HEATR5B: variants seen among roughly 807,000 people sequenced by gnomAD.
HEATR5B encodes HEAT repeat-containing protein 5B.
In HEATR5B, 156 loss-of-function variants were observed where a neutral mutation model predicts 224.1. The ratio of observed to expected loss-of-function variants is 0.70; its 90% confidence interval spans 0.61 to 0.80. The LOEUF (loss-of-function observed/expected upper bound fraction) is 0.80. HEATR5B is among the 30% of genes least tolerant of loss of function. The probability of loss-of-function intolerance (pLI) is 0.00; values close to 1 mark genes in which losing one functional copy is unlikely to be tolerated. For synonymous variants in HEATR5B, 1,027 were observed against 893.0 expected (o/e 1.15, Z -2.68); for missense variants, 2,323 against 2,535.5 (o/e 0.92, Z 1.80).
chr2:37,083,258 A>C (rs1437326010), intron 2 of HEATR5B, 31 bp downstream of exon 2: 1 of 1,612,488 alleles, frequency 6.2e-7, no homozygotes, highest in African/African-American at 1.3e-5. Flanking sequence ...CTTCACGTTA[A>C]TGCAACTGGG....
At chr2:37,044,625 A>G (rs746645142) in intron 18 of HEATR5B, among the ~76,000 whole-genome samples, 1 of 152,264 alleles carries the variant, frequency 6.6e-6, no homozygotes, top group Non-Finnish European at 1.5e-5. Context: ...GTAAATACCT[A>G]GAAGTGGAAC....
intron 31 of HEATR5B, 36 bp downstream of exon 31, chr2:37,003,506 G>C: frequency 7.0e-7 from 1 of 1,423,452 alleles, no homozygotes; most frequent in Non-Finnish European, 9.7e-7. Context: ...TATAAAATAA[G>C]ATTTACTTCA....
Position 37,075,585 on chromosome 2 carries a change from C to T in HEATR5B, c.497G>A (p.Gly166Glu). Residue 166 changes from glycine (G) to glutamate (E), a missense_variant, in exon 5 of 36, where the codon GGA becomes GAA. Around this residue, in one of 12 missense-constraint regions of HEATR5B, gnomAD observed 292 missense variants for 332.6 expected, o/e 0.88. Coordinates refer to ENST00000233099, the MANE Select transcript of HEATR5B (RefSeq NM_019024.3). ...ILMSLQKVLS[G>E]LGGAAASSHR... ...GGAGGAAGCTGCTGCACCACCCAGT[C>T]CACTTAGAACTTTCTGTAGACTCAT... 4 of 1,613,590 alleles carry T rather than the reference C, an allele frequency of 2.5e-6. No homozygotes were observed. In the South Asian group the frequency reaches 4.4e-5, roughly 18 times the overall value.
At chr2:36,981,894 T>C in intron 35 of HEATR5B, 100 bp from the exon 36 acceptor site, 1 of 787,802 alleles carries the variant, frequency 1.3e-6, no homozygotes, top group Non-Finnish European at 2.0e-6. Context: ...TAATAAAATA[T>C]AAGTACACAT....
intron 29 of HEATR5B, 120 bp from the exon 30 acceptor site, chr2:37,005,879 C>G (rs531353076): frequency 2.8e-6 from 2 of 705,670 alleles, no homozygotes; most frequent in Non-Finnish European, 4.3e-6. Flanking sequence ...TTATTAATAC[C>G]TTAAAGTAGA....
rs1672837775 is a variant in HEATR5B at position 37,084,303 on chromosome 2, G to T, written c.-57C>A. The T allele has an allele frequency of 2.5e-6, 1 of 397,040 alleles. No individual in the cohort carries two copies. The highest frequency in any genetic ancestry group is 2.1e-5 in the African/African-American group (1 of 48,704). 24.6% of individuals were successfully genotyped at this position (397,040 alleles called of 1,614,324 possible). ...TGGAAGGGAAGATCAGCTGAGCTCC[G>T]GGGGTAGAAGCAGCCACCAAGAGAC... On this transcript the variant is annotated 5_prime_UTR_variant, in exon 1 of 36. Transcript: ENST00000233099.
At chr2:36,995,559 T>C (rs1666643952) in intron 33 of HEATR5B, among the ~76,000 whole-genome samples, 1 of 152,198 alleles carries the variant, frequency 6.6e-6, no homozygotes, top group African/African-American at 2.4e-5. Flanking sequence ...AGTCACATAT[T>C]CACTTAAATG....
Position 37,003,688 on chromosome 2 carries a change from TAATACAAATA to T in HEATR5B, c.4906-12_4906-3del, listed in dbSNP as rs759959403. 5.7e-6 allele frequency: 9 copies of T among 1,581,360 alleles called. No individual in the cohort carries two copies. The highest frequency in any genetic ancestry group is 6.9e-6 in the Non-Finnish European group (8 of 1,163,290). On this transcript the variant is annotated splice_region_variant and splice_polypyrimidine_tract_variant and intron_variant, in intron 30 of 35. Coordinates refer to ENST00000233099, the MANE Select transcript of HEATR5B (RefSeq NM_019024.3). ...ACTCAGCAACTCAACACCTATCAGC[TAATACAAATA>T]AATACAAATACAGTTAAGTAATTTC...
At chr2:37,027,773 G>C in intron 24 of HEATR5B, 150 bp downstream of exon 24, 5 of 792,382 alleles carry the variant, frequency 6.3e-6, no homozygotes, top group Non-Finnish European at 8.1e-6. Flanking sequence ...AGAGGGGACA[G>C]AAAACTAAGA....
At chr2:36,996,959 G>A (rs1056983874) in intron 33 of HEATR5B, among the ~76,000 whole-genome samples, 2 of 134,224 alleles carry the variant, frequency 1.5e-5, no homozygotes, top group Non-Finnish European at 3.2e-5. Flanking sequence ...CTGACCTCAA[G>A]TGATCAACCC....
At chr2:37,067,527 G>A (rs979646591) in intron 8 of HEATR5B, among the ~76,000 whole-genome samples, 8 of 152,168 alleles carry the variant, frequency 5.3e-5, no homozygotes, top group African/African-American at 1.9e-4. Context: ...CCAGCACTCT[G>A]GGAGGCCAAG....
Position 37,003,591 on chromosome 2 carries a change from C to G in HEATR5B, c.5001G>C (p.Gln1667His), listed in dbSNP as rs17497654. The G allele has an allele frequency of 6.2e-7, 1 of 1,609,988 alleles. No homozygotes were observed. Among genetic ancestry groups the G allele is most frequent in the Admixed American group, 1.7e-5 (1 of 59,904 alleles). Residue 1667 changes from glutamine (Q) to histidine (H), a missense_variant, in exon 31 of 36, where the codon CAG becomes CAC. This residue lies in a region of HEATR5B where 844 missense variants were observed against 812.9 expected (regional missense o/e 1.04). Transcript: ENST00000233099. Reference protein sequence around the residue: ...VQLLVTGVVQQIVRAAQDYLQ... With the variant: ...VQLLVTGVVQHIVRAAQDYLQ... The stretch of plus-strand genomic sequence containing the variant: ...AATAATCCTGAGCAGCTCTTACTAT[C>G]TGTTGTACAACTCCAGTAACCAACA...
At chr2:36,999,954 G>A (rs1666981015) in intron 33 of HEATR5B, among the ~76,000 whole-genome samples, 1 of 151,870 alleles carries the variant, frequency 6.6e-6, no homozygotes, top group South Asian at 2.1e-4. Context: ...GGAGGTTGCA[G>A]TGGGCTGAGA....
chr2:37,033,971 T>G (rs1669304377), intron 21 of HEATR5B, among the ~76,000 whole-genome samples: 1 of 152,172 alleles, frequency 6.6e-6, no homozygotes, highest in African/African-American at 2.4e-5. Context: ...AGTAATCTTT[T>G]AGAAAGAGTC....
chr2:37,007,229 T>C lies in HEATR5B; in HGVS notation c.4598A>G (p.His1533Arg). Reference protein sequence around the residue: ...HYRNSWAPILHAVALWLNSTG... With the variant: ...HYRNSWAPILRAVALWLNSTG... Reference sequence around the variant, plus strand: ...GCTATTTAACCAAAGTGCCACCGCATGGAGAATTGGGGCCCAGGAATTCCG... The same window carrying C: ...GCTATTTAACCAAAGTGCCACCGCACGGAGAATTGGGGCCCAGGAATTCCG... The change falls in exon 29 of 36, where the codon CAT becomes CGT. Residue 1533 changes from histidine to arginine, a missense_variant. By Grantham distance (29) the His-to-Arg change is conservative. Transcript: ENST00000233099. 1.2e-6 allele frequency: 2 copies of C among 1,613,834 alleles called. No homozygotes were observed. Among genetic ancestry groups the C allele is most frequent in the African/African-American group, 1.3e-5 (1 of 74,926 alleles).
chr2:37,052,018 G>A (rs1670584234), intron 17 of HEATR5B, among the ~76,000 whole-genome samples: 1 of 152,104 alleles, frequency 6.6e-6, no homozygotes, highest in African/African-American at 2.4e-5. Context: ...GGGATTACAG[G>A]CATAAGCCAC....
At chr2:37,082,341 A>G (rs1040357400) in intron 2 of HEATR5B, among the ~76,000 whole-genome samples, 4 of 151,816 alleles carry the variant, frequency 2.6e-5, no homozygotes, top group Non-Finnish European at 4.4e-5. Flanking sequence ...CAGCTTCCCA[A>G]CGTGCTGGGA....
Position 37,060,707 on chromosome 2 carries a change from G to T in HEATR5B, c.1723C>A (p.Pro575Thr). 1.2e-6 allele frequency: 2 copies of T among 1,613,564 alleles called. No homozygotes were observed. Among genetic ancestry groups the T allele is most frequent in the Non-Finnish European group, 1.7e-6 (2 of 1,179,716 alleles). ...LGPSVVRYHL[P>T]KMLLLWRNVF... ...TTTCGCCACAATAACAACATCTTGG[G>T]CAGATGGTAACGAACGACAGATGGT... The change falls in exon 12 of 36, where the codon CCC becomes ACC. Residue 575 changes from proline to threonine, a missense_variant. By Grantham distance (38) the Pro-to-Thr change is conservative. Transcript: ENST00000233099.
intron 21 of HEATR5B, among the ~76,000 whole-genome samples, chr2:37,033,191 T>C (rs1669249360): frequency 6.6e-6 from 1 of 152,152 alleles, no homozygotes; most frequent in Non-Finnish European, 1.5e-5. Flanking sequence ...AATGAATATA[T>C]ATTAACATCT....
Sources: allele counts gnomAD v4.1 joint callset (sites outside exome capture counted in the v4.1 genomes callset), GRCh38; gene constraint gnomAD v4.1.1; regional missense constraint gnomAD v4.1.1; transcripts MANE v1.5; gene names NCBI Gene and HGNC (gene_info 2026-07-23, HGNC 2026-07-21).